The following PRRC2B variants were observed in gnomAD, a reference collection of about 807,000 sequenced individuals.
PRRC2B encodes the protein protein PRRC2B.
PRRC2B carries 68 observed loss-of-function variants against 242.3 expected under a neutral mutation model. The ratio of observed to expected loss-of-function variants is 0.28; its 90% confidence interval spans 0.23 to 0.34. The LOEUF (loss-of-function observed/expected upper bound fraction) is 0.34. Among genes scored for constraint, PRRC2B ranks in the 10% least tolerant of loss-of-function variants. The pLI is 1.00. For synonymous variants in PRRC2B, 1,228 were observed against 1,173.6 expected, an observed-to-expected ratio of 1.05 and a Z score of -0.95; for missense variants, 2,835 against 2,954.8, an observed-to-expected ratio of 0.96 and a Z score of 0.94.
At chr9:131,450,408 T>C (rs1032062804) in intron 9 of PRRC2B, among the ~76,000 whole-genome samples, 5 of 151,574 alleles carry the variant, frequency 3.3e-5, no homozygotes, top group African/African-American at 1.2e-4. Context: ...GCTGGAATTA[T>C]AGGCGCGCAC....
At position 131,487,539 on chromosome 9, in the gene PRRC2B, T is replaced by G. The variant is rs1264812879; in HGVS notation, c.5984+245T>G. On this transcript the variant is annotated intron_variant, in intron 27 of 31. Transcript: ENST00000683519. This position sits in a 1 kb window ranked among gnomAD's most constrained non-coding sequence, Gnocchi z 5.3. ...TCCATGTCATCTTGCCTCCTTTCCT[T>G]GCTCCTTCCTCCTCCTCTCCCCTTG... Among the ~76,000 whole-genome samples, 2 of 152,206 alleles carry G rather than the reference T, an allele frequency of 1.3e-5. No individual in the cohort carries two copies. Among genetic ancestry groups the G allele is most frequent in the Non-Finnish European group, 2.9e-5 (2 of 68,032 alleles).
intron 1 of PRRC2B, among the ~76,000 whole-genome samples, chr9:131,397,656 A>T (rs191146624): frequency 2.3e-3 from 323 of 138,114 alleles, no homozygotes; most frequent in Non-Finnish European, 3.6e-3. Context: ...TCATTATCCT[A>T]CCCCTTAAGA....
At chr9:131,442,142 G>GT (rs887187737) in intron 5 of PRRC2B, among the ~76,000 whole-genome samples, 5 of 149,708 alleles carry the variant, frequency 3.3e-5, no homozygotes, top group South Asian at 2.1e-4. Context: ...TTGTTTGTTT[G>GT]TTTTTTTTTA....
rs1342997360 is a variant in PRRC2B, at chr9:131,487,276, G to C, written c.5966G>C (p.Ser1989Thr). Residue 1989 changes from serine to threonine, a missense_variant, in exon 27 of 32, where the codon AGC (serine) becomes ACC (threonine). Around this residue, in one of 7 missense-constraint regions of PRRC2B, gnomAD observed 574 missense variants for 626.0 expected, o/e 0.92. Transcript: ENST00000683519. The surrounding 1 kb of genome is among the most constrained non-coding windows in gnomAD (Gnocchi z 5.3). ...GTGTCCCAGTCCCAGGAGATCTTCA[G>C]CTCCTTGCAGCCCTTCAGGTGAGCT... ...LPVSQSQEIF[S>T]SLQPFRSQVY... 3.1e-6 allele frequency: 5 copies of C among 1,610,574 alleles called. No homozygotes were observed. Among genetic ancestry groups the C allele is most frequent in the Admixed American group, 1.7e-5 (1 of 59,662 alleles).
intron 1 of PRRC2B, among the ~76,000 whole-genome samples, chr9:131,421,610 G>C (rs115783201): frequency 4.2e-4 from 64 of 152,254 alleles, no homozygotes; most frequent in African/African-American, 1.5e-3. Context: ...CCAGCCTCAC[G>C]GCCAGGGCAC....
At chr9:131,491,882 TCTTG>T (rs1258190790) in intron 29 of PRRC2B, among the ~76,000 whole-genome samples, 1 of 152,236 alleles carries the variant, frequency 6.6e-6, no homozygotes, top group Admixed American at 6.5e-5. Flanking sequence ...TTGTGATGGT[TCTTG>T]CTTCTAAGAA....
At chr9:131,456,352 C>T (rs1943076648) in intron 10 of PRRC2B, among the ~76,000 whole-genome samples, 2 of 151,732 alleles carry the variant, frequency 1.3e-5, no homozygotes, top group Non-Finnish European at 2.9e-5. Context: ...CCCACAATGG[C>T]CAGGCACGGT....
At chr9:131,406,369 G>A (rs1837361335) in intron 1 of PRRC2B, among the ~76,000 whole-genome samples, 1 of 152,172 alleles carries the variant, frequency 6.6e-6, no homozygotes, top group South Asian at 2.1e-4. Context: ...GCTGGCAGCT[G>A]CCCTGTGTCT....
At chr9:131,452,894 A>G (rs1449242255) in intron 9 of PRRC2B, among the ~76,000 whole-genome samples, 2 of 152,230 alleles carry the variant, frequency 1.3e-5, no homozygotes, top group African/African-American at 4.8e-5. Context: ...AAAAGTATAT[A>G]TTCTACAGTT....
chr9:131,480,344 GA>G (rs572693444), intron 19 of PRRC2B, among the ~76,000 whole-genome samples: 187 of 152,346 alleles, frequency 1.2e-3, no homozygotes, highest in African/African-American at 4.5e-3. Context: ...TGATGGAAAG[GA>G]AGCACAACCA....
chr9:131,379,024 T>A (rs949685319), intron 1 of PRRC2B, among the ~76,000 whole-genome samples: 5 of 152,184 alleles, frequency 3.3e-5, no homozygotes, highest in Non-Finnish European at 7.3e-5. Flanking sequence ...TGACCTTTTT[T>A]TAAAAATTAT....
intron 1 of PRRC2B, among the ~76,000 whole-genome samples, chr9:131,418,723 T>C (rs561930454): frequency 7.2e-5 from 11 of 152,234 alleles, no homozygotes; most frequent in Non-Finnish European, 1.3e-4. Flanking sequence ...GGTGTGTGTG[T>C]GCTCAGCTCA....
intron 1 of PRRC2B, among the ~76,000 whole-genome samples, chr9:131,415,833 TTC>T (rs1837633552): frequency 6.6e-6 from 1 of 152,168 alleles, no homozygotes; most frequent in Non-Finnish European, 1.5e-5. Flanking sequence ...GTACTTTGTG[TTC>T]TTTTTATATC....
At chr9:131,417,370 AC>A (rs1165092909) in intron 1 of PRRC2B, among the ~76,000 whole-genome samples, 5 of 151,168 alleles carry the variant, frequency 3.3e-5, no homozygotes, top group Non-Finnish European at 7.4e-5. Context: ...TCAAGTCTAG[AC>A]TTCTCTTGTT....
intron 24 of PRRC2B, 59 bp downstream of exon 24, chr9:131,484,849 A>G: frequency 6.4e-7 from 1 of 1,563,332 alleles, no homozygotes; most frequent in Non-Finnish European, 8.7e-7. Context: ...ACAAAGAGGC[A>G]GAAGGGAGGA....
At chr9:131,390,637 C>G (rs998102319), upstream of PRRC2B, among the ~76,000 whole-genome samples, 4 of 150,776 alleles carry the variant, frequency 2.7e-5, no homozygotes, top group Non-Finnish European at 4.4e-5. Flanking sequence ...CGCCCGCCAC[C>G]ACGCCTGGCT....
In PRRC2B at chr9:131,446,843, T is replaced by C. The variant is rs1168740958; in HGVS notation, c.855+201T>C. The stretch of plus-strand genomic sequence containing the variant: ...ACTTCTTTCCCTGGTGATGTGGATA[T>C]GATTTTAGCCTTTGGTTCTTTAGAA... On this transcript the variant is annotated intron_variant, in intron 7 of 31. Coordinates refer to ENST00000683519, the MANE Select transcript of PRRC2B (RefSeq NM_013318.4). The surrounding 1 kb of genome is among the most constrained non-coding windows in gnomAD (Gnocchi z 4.1). 6.6e-6 allele frequency among the ~76,000 whole-genome samples: 1 copy of C among 152,212 alleles called. No homozygotes were observed. The highest frequency in any genetic ancestry group is 1.5e-5 in the Non-Finnish European group (1 of 68,042).
Position 131,451,447 on chromosome 9 carries a change from A to C in PRRC2B, c.1121-3629A>C, listed in dbSNP as rs1588259386. ...ATTTTTTTGTGTTCACTGGTACCAG[A>C]CACTTTGTTGAATATACATTAGTTT... is the stretch of plus-strand genomic sequence containing the variant. On this transcript the variant is annotated intron_variant, in intron 9 of 31. Coordinates refer to ENST00000683519, the MANE Select transcript of PRRC2B (RefSeq NM_013318.4). Among the ~76,000 whole-genome samples the C allele has an allele frequency of 5.3e-5, 8 of 152,192 alleles. No individual in the cohort carries two copies. The South Asian group carries it at 1.7e-3, about 32-fold the overall frequency.
chr9:131,470,640 A>T, intron 13 of PRRC2B, 148 bp from the exon 14 acceptor site: 1 of 633,242 alleles, frequency 1.6e-6, no homozygotes, highest in Non-Finnish European at 2.7e-6. Flanking sequence ...CTTCCCCTTG[A>T]GCAGCTGCCC....
Sources: allele counts gnomAD v4.1 joint callset (sites outside exome capture counted in the v4.1 genomes callset), GRCh38; gene constraint gnomAD v4.1.1; regional missense constraint gnomAD v4.1.1; non-coding constraint Gnocchi (gnomAD v3.1); transcripts MANE v1.5; gene names NCBI Gene and HGNC (gene_info 2026-07-23, HGNC 2026-07-21).